DROSHA: variants seen among roughly 807,000 people sequenced by gnomAD.
The protein encoded by DROSHA is ribonuclease 3.
DROSHA carries 56 observed loss-of-function variants against 181.9 expected under a neutral mutation model. The observed-to-expected ratio is 0.31, with a 90% confidence interval of 0.25 to 0.38. DROSHA has a LOEUF of 0.38. DROSHA is among the 10% of genes least tolerant of loss of function. DROSHA has a pLI of 1.00. For missense variants in DROSHA, 1,218 were observed against 1,743.5 expected (o/e 0.70, Z 5.37); for synonymous variants, 524 against 591.2 (o/e 0.89, Z 1.65).
Position 31,511,192 on chromosome 5 carries a change from G to A in DROSHA, c.1291-16C>T. 1 of 1,608,834 alleles carries A rather than the reference G, an allele frequency of 6.2e-7. No individual in the cohort carries two copies. Among genetic ancestry groups the A allele is most frequent in the Non-Finnish European group, 8.5e-7 (1 of 1,177,172 alleles). ...TAGAATCTCCCTTTTAAAAATAAAG[G>A]ATCAATATTAGGAACTATATCAATA... On this transcript the variant is annotated splice_polypyrimidine_tract_variant and intron_variant, in intron 8 of 35. Transcript: ENST00000344624.
chr5:31,417,822 G>A (rs1348395886), intron 30 of DROSHA, among the ~76,000 whole-genome samples: 1 of 152,140 alleles, frequency 6.6e-6, no homozygotes, highest in Admixed American at 6.5e-5. Flanking sequence ...AAAGGCCAGC[G>A]TAGATTTGTT....
At chr5:31,405,527 C>T (rs978937669) in intron 35 of DROSHA, 150 bp downstream of exon 35, 1 of 740,336 alleles carries the variant, frequency 1.4e-6, no homozygotes, top group Non-Finnish European at 2.2e-6. Context: ...GAATGTCTCA[C>T]ATTCTACTAT....
chr5:31,414,108 G>A (rs1024878173), intron 30 of DROSHA, among the ~76,000 whole-genome samples: 2 of 152,194 alleles, frequency 1.3e-5, no homozygotes, highest in African/African-American at 2.4e-5. Context: ...CAAGGGAGGA[G>A]AGCTGATGCA....
chr5:31,407,303 G>C (rs548953046), intron 33 of DROSHA, among the ~76,000 whole-genome samples: 1 of 152,054 alleles, frequency 6.6e-6, no homozygotes, highest in Non-Finnish European at 1.5e-5. Flanking sequence ...CCTGTCTATT[G>C]GTTTTCAGTG....
intron 14 of DROSHA, among the ~76,000 whole-genome samples, chr5:31,486,263 A>C (rs1751741346): frequency 1.3e-5 from 2 of 152,216 alleles, no homozygotes; most frequent in East Asian, 1.9e-4. Context: ...CAGCAGACGT[A>C]ACACAAGGAG....
At position 31,400,677 on chromosome 5, in the gene DROSHA, T is replaced by TCAAA. The variant is rs1739920168; in HGVS notation, c.*751_*754dup. 1.3e-5 allele frequency: 2 copies of TCAAA among 152,232 alleles called. No homozygotes were observed. Among genetic ancestry groups the TCAAA allele is most frequent in the Admixed American group, 1.3e-4 (2 of 15,280 alleles). The allele number at this position is 152,232 out of a possible 1,614,324, so 9.4% of individuals were successfully genotyped here. A position where few individuals can be genotyped will look rare whatever the true frequency, so the allele number is the denominator to read the frequency against. On this transcript the variant is annotated 3_prime_UTR_variant, in exon 36 of 36. Transcript: ENST00000344624. ...CCTGCTCCCCATGCCCTCTCAAATC[T>TCAAA]CAAACACACACAGAAAATTGAATAT... is the stretch of plus-strand genomic sequence containing the variant.
intron 20 of DROSHA, among the ~76,000 whole-genome samples, chr5:31,456,733 C>T (rs1270721481): frequency 6.6e-6 from 1 of 152,104 alleles, no homozygotes; most frequent in Non-Finnish European, 1.5e-5. Context: ...AGAGTGATCT[C>T]CCAGACACAT....
intron 13 of DROSHA, among the ~76,000 whole-genome samples, chr5:31,491,904 T>C (rs550379128): frequency 2.6e-5 from 4 of 152,162 alleles, no homozygotes; most frequent in Non-Finnish European, 5.9e-5. Flanking sequence ...AAATGATTCT[T>C]GTGCCTCAAC....
intron 13 of DROSHA, among the ~76,000 whole-genome samples, chr5:31,488,760 C>A (rs1015008355): frequency 2.0e-5 from 3 of 151,998 alleles, no homozygotes; most frequent in African/African-American, 7.3e-5. Flanking sequence ...TGTAAGGGAA[C>A]AAAGAAGACC....
At position 31,483,643 on chromosome 5, in the gene DROSHA, T is replaced by TA; in HGVS notation, c.1997-16_1997-15insT. ...AAACAAAGGACCTGAAGCAAACAAA[T>TA]GAGAAAAAAAAAAAAAAAAGAAAAC... On this transcript the variant is annotated splice_polypyrimidine_tract_variant and intron_variant, in intron 15 of 35. Coordinates refer to ENST00000344624, the MANE Select transcript of DROSHA (RefSeq NM_001382508.1). 1.6e-6 allele frequency: 2 copies of TA among 1,285,030 alleles called. No individual in the cohort carries two copies. The highest frequency in any genetic ancestry group is 2.7e-5 in the African/African-American group (1 of 37,182). 79.6% of individuals were successfully genotyped at this position (1,285,030 alleles called of 1,614,324 possible). A position where few individuals can be genotyped will look rare whatever the true frequency, so the allele number is the denominator to read the frequency against.
At chr5:31,491,841 C>G (rs1349985640) in intron 13 of DROSHA, among the ~76,000 whole-genome samples, 1 of 152,214 alleles carries the variant, frequency 6.6e-6, no homozygotes, top group African/African-American at 2.4e-5. Flanking sequence ...TCTGCCCAGG[C>G]TGGAGTGCAG....
At chr5:31,473,300 G>A (rs926174945) in intron 16 of DROSHA, among the ~76,000 whole-genome samples, 1 of 152,286 alleles carries the variant, frequency 6.6e-6, no homozygotes, top group South Asian at 2.1e-4. Context: ...TGTGGGCTAA[G>A]AACTTAAACA....
At chr5:31,438,134 G>A (rs1036322686) in intron 23 of DROSHA, among the ~76,000 whole-genome samples, 25 of 152,124 alleles carry the variant, frequency 1.6e-4, no homozygotes, top group Non-Finnish European at 1.5e-4. Flanking sequence ...TGACCAAGAA[G>A]GTGGCCCACG....
chr5:31,410,356 G>A (rs1218012238), intron 31 of DROSHA, among the ~76,000 whole-genome samples: 1 of 152,178 alleles, frequency 6.6e-6, no homozygotes, highest in Non-Finnish European at 1.5e-5. Flanking sequence ...ATGAATAATA[G>A]TTTCAGTATT....
rs1031377410 is a variant in DROSHA at position 31,501,344 on chromosome 5, G to T, written c.1668+3211C>A. Among the ~76,000 whole-genome samples the T allele has an allele frequency of 2.6e-4, 39 of 152,014 alleles. 1 individual carries two copies. Among genetic ancestry groups the T allele is most frequent in the Admixed American group, 2.6e-3 (39 of 15,266 alleles). On this transcript the variant is annotated intron_variant, in intron 11 of 35. Coordinates refer to ENST00000344624, the MANE Select transcript of DROSHA (RefSeq NM_001382508.1). Reference sequence around the variant, plus strand: ...GATCTACCCAGTGGTCCTTCCCCTGGTCCTTGAATGTACACTAGAATTGAC... The same window carrying T: ...GATCTACCCAGTGGTCCTTCCCCTGTTCCTTGAATGTACACTAGAATTGAC...
intron 20 of DROSHA, among the ~76,000 whole-genome samples, chr5:31,455,274 T>G (rs1353601742): frequency 6.6e-6 from 1 of 151,980 alleles, no homozygotes; most frequent in Non-Finnish European, 1.5e-5. Flanking sequence ...TGCATATATC[T>G]TATAAGAAGA....
intron 16 of DROSHA, among the ~76,000 whole-genome samples, chr5:31,474,701 G>A (rs1750160882): frequency 6.6e-6 from 1 of 152,118 alleles, no homozygotes; most frequent in South Asian, 2.1e-4. Context: ...ATGATATTAG[G>A]AGGTGGGGCC....
rs765972099 is a variant in DROSHA, at chr5:31,451,546, C to T, written c.2669G>A (p.Arg890His). The T allele has an allele frequency of 1.6e-5, 25 of 1,610,230 alleles. No homozygotes were observed. Among genetic ancestry groups the T allele is most frequent in the Non-Finnish European group, 2.0e-5 (23 of 1,178,234 alleles). Reference sequence around the variant, plus strand: ...AATAATTCTTACCTGCAACAGACAACGATCTTGGAAAGTATATCCTATCAA... The same window carrying T: ...AATAATTCTTACCTGCAACAGACAATGATCTTGGAAAGTATATCCTATCAA... ...DKLIGYTFQDRCLLQLAMTHP... is the reference protein window; with the variant it reads ...DKLIGYTFQDHCLLQLAMTHP... Residue 890 changes from arginine to histidine, a missense_variant, in exon 21 of 36, where the codon CGT becomes CAT. Physicochemically the swap from Arg to His is conservative, Grantham distance 29 (BLOSUM62 0). Coordinates refer to ENST00000344624, the MANE Select transcript of DROSHA (RefSeq NM_001382508.1).
Position 31,429,352 on chromosome 5 carries a change from C to T in DROSHA, c.3216+123G>A. ...GCCATTTTGGTGTATTGAAATGTCC[C>T]ATCTATGGTAGATCTGACTATTTTG... is the stretch of plus-strand genomic sequence containing the variant. On this transcript the variant is annotated intron_variant, in intron 27 of 35. Transcript: ENST00000344624. The T allele has an allele frequency of 2.5e-6, 2 of 809,872 alleles. 1 individual carries two copies. Among genetic ancestry groups the T allele is most frequent in the South Asian group, 5.2e-5 (2 of 38,170 alleles). 50.2% of individuals were successfully genotyped at this position (809,872 alleles called of 1,614,324 possible).
Sources: allele counts gnomAD v4.1 joint callset (sites outside exome capture counted in the v4.1 genomes callset), GRCh38; gene constraint gnomAD v4.1.1; transcripts MANE v1.5; gene names NCBI Gene and HGNC (gene_info 2026-07-23, HGNC 2026-07-21).